Variants in ZFP1 observed in about 807,000 individuals in gnomAD.
ZFP1 encodes the protein zinc finger protein 1 homolog.
ZFP1 carries 32 observed loss-of-function variants against 38.5 expected under a neutral mutation model. The observed-to-expected ratio is 0.83, with a 90% CI of 0.63 to 1.12. The LOEUF is 1.12. Ranked by LOEUF, ZFP1 falls within the 50% of genes most tolerant of loss-of-function variation. The pLI is 0.00. For missense variants in ZFP1, 616 were observed against 480.8 expected (o/e 1.28, Z -2.63); for synonymous variants, 245 against 168.8 (o/e 1.45, Z -3.50).
chr16:75,142,641 C>A, the ZFP1 span, among the ~76,000 whole-genome samples: 1 of 152,184 alleles, frequency 6.6e-6, no homozygotes, highest in African/African-American at 2.4e-5. Context: ...CTGAAGACTA[C>A]CCAGTCTATG....
the ZFP1 span, among the ~76,000 whole-genome samples, chr16:75,137,318 A>G: frequency 0.013 from 2,023 of 152,196 alleles, 49 homozygotes; most frequent in African/African-American, 0.044. Context: ...TGATATATTA[A>G]TAAGTAACTG....
chr16:75,162,787 C>CAGTT (rs1395997451), intron 2 of ZFP1, among the ~76,000 whole-genome samples: 2 of 152,132 alleles, frequency 1.3e-5, no homozygotes, highest in Non-Finnish European at 2.9e-5. Context: ...TGTGTTAATT[C>CAGTT]AGTTAGGTTA....
At chr16:75,156,170 G>C (rs2037459276) in intron 2 of ZFP1, among the ~76,000 whole-genome samples, 1 of 152,064 alleles carries the variant, frequency 6.6e-6, no homozygotes, top group South Asian at 2.1e-4. Flanking sequence ...GGCTACTGTT[G>C]GGGCCAGGTG....
At chr16:75,154,573 G>GTTTTTTT (rs33986637) in intron 2 of ZFP1, among the ~76,000 whole-genome samples, 1 of 111,246 alleles carries the variant, frequency 9.0e-6, no homozygotes, top group Non-Finnish European at 1.8e-5. Flanking sequence ...ATGAATGAGA[G>GTTTTTTT]TTTTTTTTTT....
the ZFP1 span, among the ~76,000 whole-genome samples, chr16:75,127,129 C>G: frequency 3.9e-5 from 6 of 152,204 alleles, no homozygotes; most frequent in African/African-American, 1.4e-4. Flanking sequence ...TGCTCTAAAA[C>G]TTTTTGTCAT....
chr16:75,123,455 G>GTATGTATGTATATATATA, the ZFP1 span, among the ~76,000 whole-genome samples: 1 of 87,292 alleles, frequency 1.1e-5, no homozygotes, highest in Non-Finnish European at 2.1e-5. Flanking sequence ...GTGTGTATAT[G>GTATGTATGTATATATATA]TATATATATA....
the ZFP1 span, among the ~76,000 whole-genome samples, chr16:75,132,046 T>G: frequency 6.6e-6 from 1 of 152,176 alleles, no homozygotes; most frequent in Non-Finnish European, 1.5e-5. Flanking sequence ...ATAAATCTTT[T>G]TATCTGCAAG....
At chr16:75,130,735 C>A in the ZFP1 span, among the ~76,000 whole-genome samples, 43 of 152,210 alleles carry the variant, frequency 2.8e-4, no homozygotes, top group African/African-American at 1.0e-3. Flanking sequence ...GGGGAGCCTT[C>A]TCTTGCCCTG....
At chr16:75,124,292 G>A in the ZFP1 span, among the ~76,000 whole-genome samples, 1 of 149,804 alleles carries the variant, frequency 6.7e-6, no homozygotes, top group Non-Finnish European at 1.5e-5. Flanking sequence ...CCAAGTAGCT[G>A]GGATTACAGG....
intron 2 of ZFP1, 169 bp from the exon 3 acceptor site, chr16:75,166,601 C>T: frequency 3.0e-6 from 3 of 985,036 alleles, no homozygotes; most frequent in Non-Finnish European, 3.6e-6. Context: ...CTGAATAAAT[C>T]TCAACTATTT....
intron 2 of ZFP1, among the ~76,000 whole-genome samples, chr16:75,161,774 ATTTTTTTTTT>A (rs200925992): frequency 2.6e-4 from 2 of 7,820 alleles, no homozygotes; most frequent in East Asian, 3.4e-3. Flanking sequence ...ATATATATAT[ATTTTTTTTTT>A]TTTTTTTTTT....
Position 75,169,375 on chromosome 16 carries a change from G to C in ZFP1, c.265G>C (p.Ala89Pro). The C allele has an allele frequency of 3.7e-6, 6 of 1,614,122 alleles. No homozygotes were observed. Among genetic ancestry groups the C allele is most frequent in the Non-Finnish European group, 5.1e-6 (6 of 1,179,998 alleles). Residue 89 changes from alanine (A) to proline (P), a missense_variant, in exon 4 of 4, where the codon GCA (alanine) becomes CCA (proline). By Grantham distance (27) the Ala-to-Pro change is conservative. Transcript: ENST00000570010. ...GGAAAGAGGCGATCTCTTTGGAAAAGCACTTAATCTGAACACAGACTTTGT... is the reference window on the plus strand; with the variant it reads ...GGAAAGAGGCGATCTCTTTGGAAAACCACTTAATCTGAACACAGACTTTGT... ...IEERGDLFGK[A>P]LNLNTDFVSL...
chr16:75,147,412 G>A (rs2036965743), upstream of ZFP1, among the ~76,000 whole-genome samples: 1 of 151,950 alleles, frequency 6.6e-6, no homozygotes, highest in African/African-American at 2.4e-5. Context: ...CGAGTAGCTG[G>A]GACTACAGGT....
chr16:75,140,493 A>G, the ZFP1 span, among the ~76,000 whole-genome samples: 5 of 152,190 alleles, frequency 3.3e-5, no homozygotes, highest in Non-Finnish European at 7.3e-5. Context: ...GACATGCTAT[A>G]TATTTTACTC....
At chr16:75,138,497 C>T in the ZFP1 span, among the ~76,000 whole-genome samples, 1 of 152,212 alleles carries the variant, frequency 6.6e-6, no homozygotes, top group Non-Finnish European at 1.5e-5. Flanking sequence ...TAGCATGTAC[C>T]TTTACTGGGT....
intron 2 of ZFP1, among the ~76,000 whole-genome samples, chr16:75,163,474 G>T (rs535368758): frequency 6.6e-6 from 1 of 151,656 alleles, no homozygotes; most frequent in Non-Finnish European, 1.5e-5. Flanking sequence ...ACCATGCCCG[G>T]CTAATTTTTG....
the ZFP1 span, among the ~76,000 whole-genome samples, chr16:75,130,663 G>T: frequency 6.6e-6 from 1 of 152,112 alleles, no homozygotes; most frequent in African/African-American, 2.4e-5. Flanking sequence ...TGTTATTTTA[G>T]AGAAACAGTG....
At chr16:75,169,148 C>T in intron 3 of ZFP1, 105 bp from the exon 4 acceptor site, 1 of 1,375,062 alleles carries the variant, frequency 7.3e-7, no homozygotes, top group Non-Finnish European at 9.6e-7. Flanking sequence ...GGGTCCCAAA[C>T]TAAAGAGTCA....
the ZFP1 span, among the ~76,000 whole-genome samples, chr16:75,122,690 G>C: frequency 1.3e-5 from 2 of 152,194 alleles, no homozygotes; most frequent in Admixed American, 1.3e-4. Context: ...CTCATCTTGT[G>C]GCTTTAGGCA....
Sources: allele counts gnomAD v4.1 joint callset (sites outside exome capture counted in the v4.1 genomes callset), GRCh38; gene constraint gnomAD v4.1.1; transcripts MANE v1.5; gene names NCBI Gene and HGNC (gene_info 2026-07-23, HGNC 2026-07-21).